The following PRPF31 variants were observed in gnomAD, a reference collection of about 807,000 sequenced individuals.
The protein encoded by PRPF31 is U4/U6 small nuclear ribonucleoprotein Prp31.
Under a neutral mutation model 60.4 loss-of-function variants are expected in PRPF31, and 12 were observed. The ratio of observed to expected loss-of-function variants is 0.20; its 90% CI spans 0.13 to 0.32. PRPF31 has a LOEUF of 0.32. Among genes scored for constraint, PRPF31 ranks in the 10% least tolerant of loss-of-function variants. The pLI, the probability that PRPF31 is intolerant of heterozygous loss-of-function variation, is 1.00. For missense variants in PRPF31, 431 were observed against 687.1 expected, an observed-to-expected ratio of 0.63 and a Z score of 4.17; for synonymous variants, 287 against 287.9, an observed-to-expected ratio of 1.00 and a Z score of 0.03.
chr19:54,116,150 C>T (rs1194399661), intron 1 of PRPF31, among the ~76,000 whole-genome samples: 1 of 151,302 alleles, frequency 6.6e-6, no homozygotes, highest in Non-Finnish European at 1.5e-5. Context: ...ATCCGCCCGC[C>T]TCGGCCTCCC....
chr19:54,130,556 C>T (rs1339644100), intron 13 of PRPF31, among the ~76,000 whole-genome samples: 14 of 150,994 alleles, frequency 9.3e-5, no homozygotes, highest in Non-Finnish European at 1.8e-4. Context: ...ACCCGGGAGG[C>T]GGAGCTTGCA....
chr19:54,123,354 C>T, intron 5 of PRPF31, 100 bp from the exon 6 acceptor site: 2 of 895,666 alleles, frequency 2.2e-6, no homozygotes, highest in South Asian at 1.3e-5. Flanking sequence ...CTGACTGTCC[C>T]AGTGTCCCTA....
chr19:54,129,389 C>A lies in PRPF31; in HGVS notation c.1374+19C>A. ...ACTCCAGGTACCTCCCCTGGGCCGG[C>A]TCTGTCCCCAGCCCTGAGACCTTGG... On this transcript the variant is annotated intron_variant, in intron 13 of 13. Coordinates refer to ENST00000321030, the MANE Select transcript of PRPF31 (RefSeq NM_015629.4). The A allele has an allele frequency of 6.4e-7, 1 of 1,574,284 alleles. No homozygotes were observed. The highest frequency in any genetic ancestry group is 8.6e-7 in the Non-Finnish European group (1 of 1,161,450).
intron 1 of PRPF31, among the ~76,000 whole-genome samples, chr19:54,117,129 G>T (rs1249357776): frequency 6.6e-6 from 1 of 152,010 alleles, no homozygotes; most frequent in East Asian, 1.9e-4. Context: ...ACAAAGTGAA[G>T]GAAAGGGCCA....
intron 13 of PRPF31, 139 bp downstream of exon 13, chr19:54,129,509 C>G (rs1295440754): frequency 1.9e-6 from 2 of 1,079,092 alleles, no homozygotes; most frequent in Non-Finnish European, 2.7e-6. Flanking sequence ...ATGCAGAGGA[C>G]GTAGACAGCT....
At chr19:54,123,696 G>A (rs2073849234) in intron 6 of PRPF31, 53 bp from the exon 7 acceptor site, 1 of 1,592,762 alleles carries the variant, frequency 6.3e-7, no homozygotes, top group East Asian at 2.3e-5. Context: ...GCTGGGGCTG[G>A]GCACACCAGG....
rs2073996064 is a variant in PRPF31 at position 54,129,202 on chromosome 19, G to C, written c.1275+17G>C. ...ACGCTGCAGGTATGGGCCAGACCCA[G>C]GTGGGGCTGGGGACCGAGGGACACA... On this transcript the variant is annotated intron_variant, in intron 12 of 13. Transcript: ENST00000321030. The C allele has an allele frequency of 6.3e-7, 1 of 1,593,694 alleles. No homozygotes were observed. The highest frequency in any genetic ancestry group is 1.3e-5 in the African/African-American group (1 of 74,570).
chr19:54,121,956 G>C lies in PRPF31; in HGVS notation c.322+13G>C. 1 of 1,607,730 alleles carries C rather than the reference G, an allele frequency of 6.2e-7. No individual in the cohort carries two copies. Among genetic ancestry groups the C allele is most frequent in the Non-Finnish European group, 8.5e-7 (1 of 1,177,242 alleles). ...GAAAACGAGCTGAGTGAGTGCTGGG[G>C]GGCAGGCGGAGACAGCCCCGTGTGA... is the stretch of plus-strand genomic sequence containing the variant. On this transcript the variant is annotated intron_variant, in intron 4 of 13. Coordinates refer to ENST00000321030, the MANE Select transcript of PRPF31 (RefSeq NM_015629.4).
chr19:54,124,106 A>G (rs2073861657), intron 7 of PRPF31, 188 bp downstream of exon 7: 4 of 1,238,860 alleles, frequency 3.2e-6, no homozygotes, highest in Admixed American at 2.6e-5. Context: ...ACACTCACCC[A>G]CAGCTCCTTC....
At chr19:54,118,831 C>G in intron 3 of PRPF31, 198 bp downstream of exon 3, 1 of 616,176 alleles carries the variant, frequency 1.6e-6, no homozygotes, top group Middle Eastern at 4.3e-4. Context: ...TTAAGTCCTT[C>G]CTGTGTGCTG....
chr19:54,127,481 A>G (rs1459532699), intron 9 of PRPF31, among the ~76,000 whole-genome samples: 1 of 152,072 alleles, frequency 6.6e-6, no homozygotes, highest in African/African-American at 2.4e-5. Context: ...CACAATCCTT[A>G]AAATCCTTCT....
chr19:54,123,738 C>G lies in PRPF31; in HGVS notation c.528-11C>G, dbSNP rs375500803. 2 of 1,605,162 alleles carry G rather than the reference C, an allele frequency of 1.2e-6. No individual in the cohort carries two copies. Among genetic ancestry groups the G allele is most frequent in the South Asian group, 1.1e-5 (1 of 90,796 alleles). On this transcript the variant is annotated splice_polypyrimidine_tract_variant and intron_variant, in intron 6 of 13. Coordinates refer to ENST00000321030, the MANE Select transcript of PRPF31 (RefSeq NM_015629.4). ...GGAGACCCAGGAGGCTGGGCCCACC[C>G]GCCCCTGCAGGCAGCAGCTGTCGGA...
chr19:54,129,323 G>A lies in PRPF31; in HGVS notation c.1327G>A (p.Asp443Asn). 1.9e-6 allele frequency: 3 copies of A among 1,606,896 alleles called. No homozygotes were observed. Among genetic ancestry groups the A allele is most frequent in the Non-Finnish European group, 2.5e-6 (3 of 1,177,384 alleles). ...ATATGGCGGGAAGTCCACCATCCGC[G>A]ACCGCTCCTCGGGCACGGCCTCCAG... ...VVYGGKSTIR[D>N]RSSGTASSVA... Residue 443 changes from aspartate (D) to asparagine (N), a missense_variant, in exon 13 of 14, where the codon GAC (aspartate) becomes AAC (asparagine). By Grantham distance (23) the Asp-to-Asn change is conservative. Transcript: ENST00000321030.
rs2074027913 is a variant in PRPF31, at chr19:54,130,581, C to T, written c.1375-726C>T. Among the ~76,000 whole-genome samples, 5 of 150,470 alleles carry T rather than the reference C, an allele frequency of 3.3e-5. No homozygotes were observed. The South Asian group carries it at 6.3e-4, about 19-fold the overall frequency. ...CGGAGCTTGCAGTGAGCCGAGATCG[C>T]GCCACTGCACTTCAGCCTGGGCGAC... On this transcript the variant is annotated intron_variant, in intron 13 of 13. Coordinates refer to ENST00000321030, the MANE Select transcript of PRPF31 (RefSeq NM_015629.4).
intron 4 of PRPF31, chr19:54,122,191 G>A: frequency 1.6e-6 from 1 of 628,238 alleles, no homozygotes; most frequent in East Asian, 2.7e-5. Context: ...CTGTTGGTCG[G>A]CCACCTGCCT....
In PRPF31 at chr19:54,126,641, G is replaced by A. The variant is rs587767613; in HGVS notation, c.945+24G>A. ...AGGTGAGGAGGGAAAGGTGAGGGGCGGCCGGGCGTCTTTTCCTCTGGGCCT... is the reference window on the plus strand; with the variant it reads ...AGGTGAGGAGGGAAAGGTGAGGGGCAGCCGGGCGTCTTTTCCTCTGGGCCT... On this transcript the variant is annotated intron_variant, in intron 9 of 13. Transcript: ENST00000321030. 156 of 1,604,654 alleles carry A rather than the reference G, an allele frequency of 9.7e-5. 1 individual carries two copies. The South Asian group carries it at 1.0e-3, about 11-fold the overall frequency.
chr19:54,123,815 C>T lies in PRPF31; in HGVS notation c.594C>T (p.Asn198=), dbSNP rs138269127. Residue 198 remains asparagine, a synonymous_variant, in exon 7 of 14, where the codon AAC becomes AAT. Coordinates refer to ENST00000321030, the MANE Select transcript of PRPF31 (RefSeq NM_015629.4). Reference sequence around the variant, plus strand: ...CCTGCGACATGGCGCTGGAGCTGAACGCCTCCAAGCACCGCATCTACGAGT... The same window carrying T: ...CCTGCGACATGGCGCTGGAGCTGAATGCCTCCAAGCACCGCATCTACGAGT... ...EEACDMALEL[N]ASKHRIYEYV... is the part of the protein sequence containing the mutation. 3.2e-5 allele frequency: 52 copies of T among 1,613,354 alleles called. 1 individual carries two copies. Among genetic ancestry groups the T allele is most frequent in the African/African-American group, 1.2e-4 (9 of 74,922 alleles).
At position 54,118,446 on chromosome 19, in the gene PRPF31, T is replaced by C. The variant is rs759131803; in HGVS notation, c.168T>C (p.Asp56=). Residue 56 remains aspartate, a synonymous_variant, in exon 2 of 14, where the codon GAT becomes GAC. Coordinates refer to ENST00000321030, the MANE Select transcript of PRPF31 (RefSeq NM_015629.4). ...TCAAGACCATCGCCAAGCTATGGGA[T>C]AGTAAGATGGTAAGAGGACAAGAGG... is the stretch of plus-strand genomic sequence containing the variant. ...DSVKTIAKLW[D]SKMFAEIMMK... is the part of the protein sequence containing the mutation. 6 of 1,614,046 alleles carry C rather than the reference T, an allele frequency of 3.7e-6. No homozygotes were observed. The highest frequency in any genetic ancestry group is 4.5e-5 in the East Asian group (2 of 44,884).
chr19:54,128,887 C>G (rs587654740), intron 11 of PRPF31, among the ~76,000 whole-genome samples, 170 bp from the exon 12 acceptor site: 1 of 152,208 alleles, frequency 6.6e-6, no homozygotes, highest in Non-Finnish European at 1.5e-5. Flanking sequence ...CAGCATCCCC[C>G]GCGTGTGTGG....
Sources: gnomAD v4.1 joint callset for allele counts (sites outside exome capture counted in the v4.1 genomes callset) on GRCh38, gnomAD v4.1.1 for gene constraint, MANE v1.5 for transcripts, NCBI Gene and HGNC (gene_info 2026-07-23, HGNC 2026-07-21) for gene names.